The following SMTN variants were observed in gnomAD, a reference collection of about 807,000 sequenced individuals.
The protein encoded by SMTN is smoothelin.
A neutral mutation model predicts 102.0 loss-of-function variants in SMTN; 58 were observed. That is an observed-to-expected ratio of 0.57 (90% CI 0.46 to 0.71). SMTN has a LOEUF of 0.71. Among genes scored for constraint, SMTN ranks in the 30% least tolerant of loss-of-function variants. The probability of loss-of-function intolerance (pLI) is 0.00; values close to 1 mark genes in which losing one functional copy is unlikely to be tolerated. For synonymous variants in SMTN, 478 were observed against 497.9 expected, an observed-to-expected ratio of 0.96 and a Z score of 0.53; for missense variants, 1,185 against 1,241.7, an observed-to-expected ratio of 0.95 and a Z score of 0.69.
chr22:31,091,911 G>A (rs1183766686), intron 11 of SMTN, 64 bp downstream of exon 11: 13 of 1,411,844 alleles, frequency 9.2e-6, no homozygotes, highest in Admixed American at 2.3e-5. Context: ...GCTTCAGGGT[G>A]TAGGGCTAGC....
In SMTN at chr22:31,095,133, C is replaced by A. The variant is rs1253944684; in HGVS notation, c.1633-170C>A. Among the ~76,000 whole-genome samples the A allele has an allele frequency of 6.6e-6, 1 of 152,232 alleles. No homozygotes were observed. The highest frequency in any genetic ancestry group is 1.5e-5 in the Non-Finnish European group (1 of 68,040). On this transcript the variant is annotated intron_variant, in intron 11 of 20. Coordinates refer to ENST00000333137, the MANE Select transcript of SMTN (RefSeq NM_134269.3). This position sits in a 1 kb window ranked among gnomAD's most constrained non-coding sequence, Gnocchi z 4.1. ...CCCTACAACAAAACTGTCAGTGCCT[C>A]TTCCCTGACTGACGCTGACATGGCC...
chr22:31,077,055 G>A (rs1191044080), upstream of SMTN, among the ~76,000 whole-genome samples: 1 of 152,192 alleles, frequency 6.6e-6, no homozygotes, highest in Non-Finnish European at 1.5e-5. Flanking sequence ...TCTCCCCAGT[G>A]CTCAGGCGTC....
intron 2 of SMTN, chr22:31,085,398 G>C: frequency 2.1e-6 from 2 of 955,770 alleles, no homozygotes; most frequent in Non-Finnish European, 3.0e-6. Flanking sequence ...GGACCCCCAT[G>C]GGCAACCGGG....
intron 1 of SMTN, chr22:31,082,978 C>A: frequency 4.2e-6 from 6 of 1,438,582 alleles, no homozygotes; most frequent in Non-Finnish European, 4.8e-6. Context: ...AGGGCTGGAA[C>A]CAGAGACCCC....
chr22:31,098,925 G>A (rs1602672199), intron 17 of SMTN, 85 bp downstream of exon 17: 1 of 1,554,678 alleles, frequency 6.4e-7, no homozygotes, highest in African/African-American at 1.3e-5. Context: ...CCCGGCAGAG[G>A]CGGGAAGACC....
At chr22:31,068,821 A>G (rs894491503) in intron 1 of SMTN, among the ~76,000 whole-genome samples, 2 of 152,210 alleles carry the variant, frequency 1.3e-5, no homozygotes, top group African/African-American at 4.8e-5. Context: ...GGGAGTAATT[A>G]CAGTACAGAG....
intron 9 of SMTN, 36 bp from the exon 10 acceptor site, chr22:31,090,925 C>G (rs2074737): frequency 0.15 from 244,972 of 1,612,600 alleles, 23,888 homozygotes; most frequent in East Asian, 0.44. Flanking sequence ...AGACCCTGTC[C>G]CACCCAGTTG....
rs780719102 is a variant in SMTN, at chr22:31,097,051, C to T, written c.2080C>T (p.Arg694Cys). The change falls in exon 15 of 21, where the codon CGC becomes TGC. Residue 694 changes from arginine (R) to cysteine (C), a missense_variant. Physicochemically the swap from Arg to Cys is radical, Grantham distance 180 (BLOSUM62 -3). This residue lies in a region of SMTN where 1,096 missense variants were observed against 1,112.7 expected (regional missense o/e 0.98). Transcript: ENST00000333137. ...TTTVESSFVR[R>C]SENGSGSTMM... ...CACAGTGGAGTCGAGTTTCGTGAGG[C>T]GCTCGGAGAGTAAGGCCACCTGGTG... The T allele has an allele frequency of 1.5e-5, 25 of 1,613,946 alleles. No individual in the cohort carries two copies. The East Asian group carries it at 2.7e-4, about 17-fold the overall frequency.
upstream of SMTN, among the ~76,000 whole-genome samples, chr22:31,079,982 C>T (rs998305541): frequency 7.2e-5 from 11 of 152,166 alleles, no homozygotes; most frequent in Middle Eastern, 3.2e-3. Context: ...AGGCTGGTCT[C>T]GAACTCCTGA....
In SMTN at chr22:31,098,853, A is replaced by C. The variant is rs760101255; in HGVS notation, c.2333+13A>C. On this transcript the variant is annotated intron_variant, in intron 17 of 20. Transcript: ENST00000333137. ...AGGGCGCGGCCGGGTGAGCTGCAGAAGTGGGCTGGGCAGTGGGGGGCGGGG... is the reference window on the plus strand; with the variant it reads ...AGGGCGCGGCCGGGTGAGCTGCAGACGTGGGCTGGGCAGTGGGGGGCGGGG... 2 of 1,561,204 alleles carry C rather than the reference A, an allele frequency of 1.3e-6. No individual in the cohort carries two copies. Among genetic ancestry groups the C allele is most frequent in the African/African-American group, 1.4e-5 (1 of 71,796 alleles).
intron 1 of SMTN, chr22:31,067,556 T>A (rs866984160): frequency 3.9e-5 from 1 of 25,844 alleles, no homozygotes; most frequent in African/African-American, 8.3e-5. Flanking sequence ...TCTTCTTCTT[T>A]TTTTTTTTTT....
intron 1 of SMTN, chr22:31,068,010 T>TA: frequency 6.6e-6 from 1 of 152,072 alleles, no homozygotes; most frequent in East Asian, 1.9e-4. Flanking sequence ...TACAAACCAT[T>TA]AAAAAATGTT....
chr22:31,089,682 C>T lies in SMTN; in HGVS notation c.472-17C>T. The T allele has an allele frequency of 6.3e-7, 1 of 1,585,704 alleles. No individual in the cohort carries two copies. The highest frequency in any genetic ancestry group is 1.1e-5 in the South Asian group (1 of 89,692). On this transcript the variant is annotated splice_polypyrimidine_tract_variant and intron_variant, in intron 6 of 20. Transcript: ENST00000333137. ...AAGCCTAGGGAGCCTTGGTTGCATC[C>T]TGTGGGTCCCTTACAGGTGCCAGAG... is the stretch of plus-strand genomic sequence containing the variant.
chr22:31,104,432 G>A lies in SMTN; in HGVS notation c.*137G>A, dbSNP rs2044336074. The A allele has an allele frequency of 6.2e-7, 1 of 1,613,894 alleles. No individual in the cohort carries two copies. Reference sequence around the variant, plus strand: ...CAGTCGCTCTACAACCACCTGCGACGCCACGAACTGCGCCTGCGCGGCAAG... The same window carrying A: ...CAGTCGCTCTACAACCACCTGCGACACCACGAACTGCGCCTGCGCGGCAAG... On this transcript the variant is annotated 3_prime_UTR_variant, in exon 21 of 21. Transcript: ENST00000333137.
chr22:31,087,100 CCT>C (rs1306607226), intron 2 of SMTN: 1 of 152,292 alleles, frequency 6.6e-6, no homozygotes, highest in Non-Finnish European at 1.5e-5. Flanking sequence ...CTGGGCCAGT[CCT>C]CTCTCCCTTG....
At chr22:31,074,902 G>C (rs541968668) in intron 1 of SMTN, among the ~76,000 whole-genome samples, 1 of 152,214 alleles carries the variant, frequency 6.6e-6, no homozygotes, top group Admixed American at 6.5e-5. Flanking sequence ...GGAATGCACC[G>C]TGGAAACGTG....
chr22:31,095,223 C>G lies in SMTN; in HGVS notation c.1633-80C>G. ...CAAGGCGTGCCAGCAACCCTAGGAT[C>G]TGCTTCCCTATCCATTGGAGACATG... On this transcript the variant is annotated intron_variant, in intron 11 of 20. Transcript: ENST00000333137. This position sits in a 1 kb window ranked among gnomAD's most constrained non-coding sequence, Gnocchi z 4.1. 13 of 1,458,834 alleles carry G rather than the reference C, an allele frequency of 8.9e-6. No homozygotes were observed. The highest frequency in any genetic ancestry group is 1.2e-5 in the Non-Finnish European group (13 of 1,062,848). The allele number at this position is 1,458,834 out of a possible 1,614,324, so 90.4% of individuals were successfully genotyped here.
chr22:31,104,084 C>A, intron 20 of SMTN: 2 of 562,684 alleles, frequency 3.6e-6, no homozygotes. Context: ...ATGGGGCTCT[C>A]TTCTGCCATC....
At chr22:31,085,539 C>G (rs1334633018) in intron 2 of SMTN, among the ~76,000 whole-genome samples, 3 of 152,218 alleles carry the variant, frequency 2.0e-5, no homozygotes, top group African/African-American at 7.2e-5. Context: ...GCCGGCTCCC[C>G]AGGGGGAGGA....
Sources: gnomAD v4.1 joint callset for allele counts (sites outside exome capture counted in the v4.1 genomes callset) on GRCh38, gnomAD v4.1.1 for gene constraint, gnomAD v4.1.1 regional missense constraint, Gnocchi (gnomAD v3.1) non-coding constraint, MANE v1.5 for transcripts, NCBI Gene and HGNC (gene_info 2026-07-23, HGNC 2026-07-21) for gene names.